The following DMD variants were observed in gnomAD, a reference collection of about 807,000 sequenced individuals.
DMD encodes the protein dystrophin, also known as mutant dystrophin.
In DMD, 63 loss-of-function variants were observed where a neutral mutation model predicts 330.1. That is an observed-to-expected ratio of 0.19 (90% CI 0.16 to 0.24). The LOEUF is 0.24. Among genes scored for constraint, DMD ranks in the 10% least tolerant of loss-of-function variants. The pLI, the probability that DMD is intolerant of heterozygous loss-of-function variation, is 1.00. For synonymous variants in DMD, 1,223 were observed against 959.8 expected (o/e 1.27, Z -5.07); for missense variants, 3,344 against 2,684.1 (o/e 1.25, Z -5.43).
At chrX:31,586,310 G>A (rs1453799344) in intron 55 of DMD, among the ~76,000 whole-genome samples, 1 of 112,476 alleles carries the variant, frequency 8.9e-6, no homozygotes, top group Non-Finnish European at 1.9e-5. Context: ...AAATGCAACT[G>A]AAAATGGCTG....
rs767099192 is a variant in DMD at position 31,772,015 on chromosome X, T to C, written c.7542+1945A>G. Among the ~76,000 whole-genome samples the C allele has an allele frequency of 9.8e-5, 11 of 112,095 alleles. No individual in the cohort carries two copies. In the East Asian group the frequency reaches 2.0e-3, roughly 20 times the overall value. The stretch of plus-strand genomic sequence containing the variant: ...ATCTGGTAACTTCTGCAGGAAGCTA[T>C]GTCAATGGTAGACTAGGCTACAGAA... On this transcript the variant is annotated intron_variant, in intron 51 of 78. Coordinates refer to ENST00000357033, the MANE Select transcript of DMD (RefSeq NM_004006.3).
intron 41 of DMD, 112 bp from the exon 42 acceptor site, chrX:32,310,388 G>T: frequency 1.7e-6 from 1 of 604,919 alleles, no homozygotes; most frequent in Non-Finnish European, 2.7e-6. Context: ...CTACAAACTG[G>T]GCTGAAAATG....
intron 1 of DMD, among the ~76,000 whole-genome samples, chrX:33,125,048 A>G (rs1224676823): frequency 9.4e-6 from 1 of 106,208 alleles, no homozygotes; most frequent in Non-Finnish European, 1.9e-5. Flanking sequence ...AAAAAAAAAA[A>G]AGGCTTTATT....
At chrX:31,229,520 T>C (rs1013698370) in intron 63 of DMD, among the ~76,000 whole-genome samples, 1 of 112,064 alleles carries the variant, frequency 8.9e-6, no homozygotes, top group Admixed American at 9.5e-5. Flanking sequence ...TAAATGATTA[T>C]TCCAACAGAT....
At chrX:31,164,043 A>G (rs1287097210) in intron 74 of DMD, among the ~76,000 whole-genome samples, 2 of 111,874 alleles carry the variant, frequency 1.8e-5, no homozygotes, top group Non-Finnish European at 3.8e-5. Context: ...TTTTCTCTAT[A>G]TGTCTTTTTG....
At chrX:32,819,174 G>C (rs770225843) in intron 5 of DMD, among the ~76,000 whole-genome samples, 1 of 110,753 alleles carries the variant, frequency 9.0e-6, no homozygotes, top group African/African-American at 3.3e-5. Context: ...GATAGTTTCT[G>C]TGAAGCTCTG....
chrX:31,318,406 C>G (rs1226838120), intron 62 of DMD, among the ~76,000 whole-genome samples: 1 of 112,247 alleles, frequency 8.9e-6, no homozygotes, highest in Non-Finnish European at 1.9e-5. Context: ...AGTCAGAACC[C>G]AAATCAGCAA....
intron 16 of DMD, among the ~76,000 whole-genome samples, chrX:32,546,602 G>C (rs755922161): frequency 6.3e-5 from 7 of 111,523 alleles, no homozygotes; most frequent in Non-Finnish European, 1.1e-4. Context: ...GACATACATA[G>C]CTTAAAAAGG....
intron 4 of DMD, among the ~76,000 whole-genome samples, chrX:32,835,558 A>G (rs768232300): frequency 2.7e-4 from 30 of 112,623 alleles, no homozygotes; most frequent in Non-Finnish European, 5.1e-4. Flanking sequence ...CAGCAGGGAT[A>G]ACTTCATGCT....
intron 43 of DMD, among the ~76,000 whole-genome samples, chrX:32,274,786 T>C: frequency 8.9e-6 from 1 of 111,980 alleles, no homozygotes; most frequent in Non-Finnish European, 1.9e-5. Flanking sequence ...TTTTAAAGAG[T>C]TTCAATAAGT....
chrX:31,656,654 T>A (rs1287280315), intron 54 of DMD, among the ~76,000 whole-genome samples: 2 of 112,242 alleles, frequency 1.8e-5, no homozygotes, highest in Non-Finnish European at 3.8e-5. Flanking sequence ...TTCCTGAACC[T>A]AATCTGTCCC....
intron 51 of DMD, among the ~76,000 whole-genome samples, chrX:31,761,048 G>T (rs1458678826): frequency 2.8e-5 from 3 of 106,688 alleles, no homozygotes; most frequent in Non-Finnish European, 5.8e-5. Flanking sequence ...ACCACGCCTG[G>T]CTAATTTTTT....
intron 16 of DMD, among the ~76,000 whole-genome samples, chrX:32,552,136 T>C (rs1056359520): frequency 8.9e-6 from 1 of 111,940 alleles, no homozygotes; most frequent in African/African-American, 3.2e-5. Context: ...AAAAATTCAG[T>C]TGGAGCCACT....
intron 59 of DMD, among the ~76,000 whole-genome samples, chrX:31,473,071 T>C (rs2067420244): frequency 9.0e-6 from 1 of 111,346 alleles, no homozygotes; most frequent in African/African-American, 3.3e-5. Context: ...AACTATGGTT[T>C]ATAGTCTGGG....
intron 47 of DMD, among the ~76,000 whole-genome samples, chrX:31,878,247 G>T (rs1157147732): frequency 9.0e-6 from 1 of 111,653 alleles, no homozygotes; most frequent in Non-Finnish European, 1.9e-5. Flanking sequence ...CTCAGATCTT[G>T]TCTTTCCCAC....
At chrX:32,526,742 C>T (rs1401568914) in intron 17 of DMD, among the ~76,000 whole-genome samples, 1 of 111,788 alleles carries the variant, frequency 8.9e-6, no homozygotes, top group Non-Finnish European at 1.9e-5. Context: ...GAAATGTTTG[C>T]CATTTAAGAA....
chrX:33,163,302 C>T (rs1001603911), intron 1 of DMD, among the ~76,000 whole-genome samples: 3 of 109,592 alleles, frequency 2.7e-5, no homozygotes, highest in African/African-American at 6.6e-5. Context: ...TTTGCGAGGC[C>T]GAGGCAGGTG....
At chrX:31,748,113 T>C (rs1167384273) in intron 51 of DMD, among the ~76,000 whole-genome samples, 3 of 111,872 alleles carry the variant, frequency 2.7e-5, no homozygotes, top group Non-Finnish European at 5.6e-5. Context: ...CTTTGTCTCT[T>C]TCTGCTATAT....
intron 47 of DMD, among the ~76,000 whole-genome samples, chrX:31,898,378 G>T (rs2094375870): frequency 9.1e-6 from 1 of 109,854 alleles, no homozygotes; most frequent in Admixed American, 9.7e-5. Context: ...ATACTACAAG[G>T]CTACAGTAAC....
Sources: gnomAD v4.1 joint callset for allele counts (sites outside exome capture counted in the v4.1 genomes callset) on GRCh38, gnomAD v4.1.1 for gene constraint, MANE v1.5 for transcripts, NCBI Gene and HGNC (gene_info 2026-07-23, HGNC 2026-07-21) for gene names.